Variants in SLC16A10 observed in about 807,000 individuals in gnomAD.
The protein encoded by SLC16A10 is solute carrier family 16 member 10.
SLC16A10 carries 27 observed loss-of-function variants against 40.0 expected under a neutral mutation model. The ratio of observed to expected loss-of-function variants is 0.67; its 90% CI spans 0.50 to 0.93. The LOEUF (loss-of-function observed/expected upper bound fraction) is 0.93, where lower values mean the gene tolerates loss of function less well. SLC16A10 is among the 40% of genes least tolerant of loss of function. The pLI is 0.00. For missense variants in SLC16A10, 529 were observed against 658.2 expected (o/e 0.80, Z 2.15); for synonymous variants, 213 against 249.8 (o/e 0.85, Z 1.39).
At chr6:111,124,188 A>G (rs1012987159) in intron 1 of SLC16A10, among the ~76,000 whole-genome samples, 5 of 152,176 alleles carry the variant, frequency 3.3e-5, no homozygotes, top group Admixed American at 3.3e-4. Context: ...ACTGCAGGCA[A>G]TAGGATTGGC....
chr6:111,157,906 A>T (rs1036640937), intron 1 of SLC16A10, among the ~76,000 whole-genome samples: 1 of 140,896 alleles, frequency 7.1e-6, no homozygotes, highest in African/African-American at 2.6e-5. Context: ...ATATCCGACT[A>T]AAAAAAAAAA....
rs1562423483 is a variant in SLC16A10 at position 111,178,410 on chromosome 6, C to T, written c.942+745C>T. 5 of 532,778 alleles carry T rather than the reference C, an allele frequency of 9.4e-6. 1 individual carries two copies. Among genetic ancestry groups the T allele is most frequent in the South Asian group, 7.0e-5 (5 of 71,534 alleles). The allele number at this position is 532,778 out of a possible 1,614,324, so 33.0% of individuals were successfully genotyped here. On this transcript the variant is annotated intron_variant, in intron 3 of 5. Transcript: ENST00000368851. ...TTATTTCTATTTCAAAGGCAAAATT[C>T]AGCTTTGTTATACTGAAATACGAAT...
intron 1 of SLC16A10, among the ~76,000 whole-genome samples, chr6:111,135,696 A>G (rs895132537): frequency 2.0e-5 from 3 of 152,088 alleles, no homozygotes; most frequent in Non-Finnish European, 4.4e-5. Context: ...GCCCCCATCT[A>G]TTTGGCCAGG....
intron 1 of SLC16A10, among the ~76,000 whole-genome samples, chr6:111,156,663 G>A (rs1429633286): frequency 3.3e-5 from 5 of 152,238 alleles, no homozygotes; most frequent in African/African-American, 7.2e-5. Flanking sequence ...GAGATATGAC[G>A]ACTAAATATA....
At chr6:111,110,192 C>A (rs1278732507) in intron 1 of SLC16A10, among the ~76,000 whole-genome samples, 1 of 152,020 alleles carries the variant, frequency 6.6e-6, no homozygotes, top group Non-Finnish European at 1.5e-5. Flanking sequence ...ACGCTTTCAT[C>A]GGCCTGGATA....
At chr6:111,181,955 GTTTT>G (rs1772799858) in intron 3 of SLC16A10, among the ~76,000 whole-genome samples, 1 of 151,488 alleles carries the variant, frequency 6.6e-6, no homozygotes, top group Non-Finnish European at 1.5e-5. Flanking sequence ...GTTTTGTTTT[GTTTT>G]CTGGAATCTT....
At chr6:111,104,805 A>G (rs1195397303) in intron 1 of SLC16A10, among the ~76,000 whole-genome samples, 1 of 152,066 alleles carries the variant, frequency 6.6e-6, no homozygotes, top group African/African-American at 2.4e-5. Context: ...CTTCTAGGTA[A>G]TTTAGTTCAT....
At chr6:111,173,900 G>A (rs1343427428) in intron 2 of SLC16A10, among the ~76,000 whole-genome samples, 2 of 152,034 alleles carry the variant, frequency 1.3e-5, no homozygotes, top group South Asian at 2.1e-4. Flanking sequence ...GCCCTCCCCC[G>A]GCACCATCCA....
intron 1 of SLC16A10, among the ~76,000 whole-genome samples, chr6:111,114,831 T>G (rs1011064640): frequency 6.6e-6 from 1 of 152,188 alleles, no homozygotes; most frequent in Non-Finnish European, 1.5e-5. Flanking sequence ...CTTTCAGTAT[T>G]TCATAATGAA....
At chr6:111,215,814 G>A (rs1322573521) in intron 4 of SLC16A10, among the ~76,000 whole-genome samples, 1 of 152,166 alleles carries the variant, frequency 6.6e-6, no homozygotes, top group Non-Finnish European at 1.5e-5. Flanking sequence ...AGAATGGCCT[G>A]GGCAACATAG....
rs1331609518 is a variant in SLC16A10, at chr6:111,194,838, A to T, written c.943-11754A>T. ...TTAGCTTCCTGTTGATTCCTCAAGC[A>T]TTAATTGCTTTTTTCTGCCAGATAT... On this transcript the variant is annotated intron_variant, in intron 3 of 5. Transcript: ENST00000368851. Among the ~76,000 whole-genome samples the T allele has an allele frequency of 2.0e-5, 3 of 152,220 alleles. No individual in the cohort carries two copies. In the East Asian group the frequency reaches 5.8e-4, roughly 29 times the overall value.
chr6:111,168,392 TG>T (rs1165168096), intron 1 of SLC16A10, among the ~76,000 whole-genome samples: 2 of 152,218 alleles, frequency 1.3e-5, no homozygotes, highest in Non-Finnish European at 2.9e-5. Flanking sequence ...TATAGAATTT[TG>T]GGGATTAAAT....
intron 3 of SLC16A10, among the ~76,000 whole-genome samples, chr6:111,180,073 TA>T (rs1252994898): frequency 6.6e-6 from 1 of 152,236 alleles, no homozygotes; most frequent in Admixed American, 6.5e-5. Flanking sequence ...GGGACACATA[TA>T]TGAGACGTAA....
intron 3 of SLC16A10, among the ~76,000 whole-genome samples, chr6:111,203,719 C>CAAATAAATAAATAAATAAATAAAT (rs60881476): frequency 6.5e-5 from 9 of 138,080 alleles, no homozygotes; most frequent in African/African-American, 1.1e-4. Context: ...AACCCCATCT[C>CAAATAAATAAATAAATAAATAAAT]AAATAAATAA....
At chr6:111,103,952 G>C (rs1048082535) in intron 1 of SLC16A10, among the ~76,000 whole-genome samples, 1 of 152,124 alleles carries the variant, frequency 6.6e-6, no homozygotes, top group South Asian at 2.1e-4. Flanking sequence ...TTTTAGGTGG[G>C]GCTACTAAGG....
chr6:111,093,036 C>A (rs1349959709), intron 1 of SLC16A10, among the ~76,000 whole-genome samples: 2 of 123,318 alleles, frequency 1.6e-5, no homozygotes, highest in Admixed American at 1.7e-4. Flanking sequence ...AGTGAAACTC[C>A]GTCTCAAAAA....
intron 3 of SLC16A10, among the ~76,000 whole-genome samples, chr6:111,182,250 C>T (rs1057048185): frequency 6.7e-6 from 1 of 149,924 alleles, no homozygotes; most frequent in African/African-American, 2.4e-5. Context: ...ATCCACCCAT[C>T]TTGGCCTCCC....
intron 1 of SLC16A10, among the ~76,000 whole-genome samples, chr6:111,106,197 A>G (rs547403224): frequency 6.0e-4 from 92 of 152,340 alleles, no homozygotes; most frequent in African/African-American, 2.0e-3. Flanking sequence ...AATTCATGCA[A>G]TCTTTTAAAT....
chr6:111,228,573 T>C lies in SLC16A10; in HGVS notation c.*6338T>C, dbSNP rs953527766. ...CCTGTGATGTATGACTTTTATTCTTTACTAGATATTTTTCAGTATCCGTCA... is the reference window on the plus strand; with the variant it reads ...CCTGTGATGTATGACTTTTATTCTTCACTAGATATTTTTCAGTATCCGTCA... On this transcript the variant is annotated 3_prime_UTR_variant, in exon 6 of 6. Transcript: ENST00000368851. 2 of 152,240 alleles carry C rather than the reference T, an allele frequency of 1.3e-5. No homozygotes were observed. Among genetic ancestry groups the C allele is most frequent in the Non-Finnish European group, 2.9e-5 (2 of 68,046 alleles). 9.4% of individuals were successfully genotyped at this position (152,240 alleles called of 1,614,324 possible). A position where few individuals can be genotyped will look rare whatever the true frequency, so the allele number is the denominator to read the frequency against.
Sources: gnomAD v4.1 joint callset for allele counts (sites outside exome capture counted in the v4.1 genomes callset) on GRCh38, gnomAD v4.1.1 for gene constraint, MANE v1.5 for transcripts, NCBI Gene and HGNC (gene_info 2026-07-23, HGNC 2026-07-21) for gene names.